TSC22D2: variants seen among roughly 807,000 people sequenced by gnomAD.
TSC22D2 encodes the protein TSC22 domain family member 2, also known as TSC22 domain family protein 2.
TSC22D2 carries 5 observed loss-of-function variants against 50.1 expected under a neutral mutation model. The observed-to-expected ratio is 0.10, with a 90% CI of 0.05 to 0.21. TSC22D2 has a LOEUF of 0.21. Ranked by LOEUF, TSC22D2 falls within the 10% of genes least tolerant of loss-of-function variation. TSC22D2 has a pLI of 1.00. For missense variants in TSC22D2, 1,003 were observed against 1,015.5 expected (o/e 0.99, Z 0.17); for synonymous variants, 501 against 450.1 (o/e 1.11, Z -1.43).
At chr3:150,422,559 C>A (rs1352451395) in intron 1 of TSC22D2, among the ~76,000 whole-genome samples, 1 of 152,060 alleles carries the variant, frequency 6.6e-6, no homozygotes, top group Non-Finnish European at 1.5e-5. Context: ...CAAGTCCAAC[C>A]CAGGAAAGAA....
In TSC22D2 at chr3:150,460,019, GCAT is replaced by G. The variant is rs1375154802; in HGVS notation, c.*1387_*1389del. 1.3e-5 allele frequency: 2 copies of G among 152,060 alleles called. No individual in the cohort carries two copies. The highest frequency in any genetic ancestry group is 1.9e-4 in the East Asian group (1 of 5,194). The allele number at this position is 152,060 out of a possible 1,614,324, so 9.4% of individuals were successfully genotyped here. Reference sequence around the variant, plus strand: ...TTCATAAATACAGTTTCAAAAGAAAGCATCATTTTGTGTATACTAACACATTAA... The same window carrying G: ...TTCATAAATACAGTTTCAAAAGAAAGCATTTTGTGTATACTAACACATTAA... On this transcript the variant is annotated 3_prime_UTR_variant, in exon 3 of 3. Transcript: ENST00000688009.
intron 1 of TSC22D2, 93 bp downstream of exon 1, chr3:150,411,401 C>A: frequency 7.5e-7 from 1 of 1,330,578 alleles, no homozygotes; most frequent in Non-Finnish European, 1.0e-6. Flanking sequence ...TCAACGGAGG[C>A]CCTTAGCATT....
intron 1 of TSC22D2, among the ~76,000 whole-genome samples, chr3:150,432,054 TA>T (rs960587877): frequency 2.0e-5 from 3 of 152,198 alleles, no homozygotes; most frequent in African/African-American, 7.2e-5. Context: ...ACCACAAATC[TA>T]AATCTCATTA....
rs141522210 is a variant in TSC22D2 at position 150,434,343 on chromosome 3, C to T, written c.1959-22733C>T. Reference sequence around the variant, plus strand: ...TTTTCATAAAGACAGGGTTTCAGCACGCTGGCCAGGCTGGTCTCAAACTCC... The same window carrying T: ...TTTTCATAAAGACAGGGTTTCAGCATGCTGGCCAGGCTGGTCTCAAACTCC... On this transcript the variant is annotated intron_variant, in intron 1 of 2. Coordinates refer to ENST00000688009, the MANE Select transcript of TSC22D2 (RefSeq NM_001303264.2). Among the ~76,000 whole-genome samples, 752 of 152,062 alleles carry T rather than the reference C, an allele frequency of 4.9e-3. 7 individuals are homozygous for T. Among genetic ancestry groups the T allele is most frequent in the African/African-American group, 0.017 (706 of 41,482 alleles).
Position 150,409,254 on chromosome 3 carries a change from C to T in TSC22D2, c.-97C>T. 1 of 1,415,140 alleles carries T rather than the reference C, an allele frequency of 7.1e-7. No homozygotes were observed. Among genetic ancestry groups the T allele is most frequent in the Non-Finnish European group, 9.4e-7 (1 of 1,060,120 alleles). The allele number at this position is 1,415,140 out of a possible 1,614,324, so 87.7% of individuals were successfully genotyped here. On this transcript the variant is annotated 5_prime_UTR_variant, in exon 1 of 3. Coordinates refer to ENST00000688009, the MANE Select transcript of TSC22D2 (RefSeq NM_001303264.2). The surrounding 1 kb of genome is among the most constrained non-coding windows in gnomAD (Gnocchi z 7.4). ...CGGGCCTCAGACCCCAGCGCAGACT[C>T]GGACTTTGTCTTTGGGGGCCCGTGC...
At chr3:150,414,700 T>TCA (rs746784570) in intron 1 of TSC22D2, among the ~76,000 whole-genome samples, 3 of 152,062 alleles carry the variant, frequency 2.0e-5, no homozygotes, top group Non-Finnish European at 4.4e-5. Flanking sequence ...GTTTGTACAT[T>TCA]TATATATATT....
At chr3:150,423,189 G>C in intron 1 of TSC22D2, 1 of 1,169,502 alleles carries the variant, frequency 8.6e-7, no homozygotes, top group Non-Finnish European at 1.2e-6. Flanking sequence ...CACTGTACTG[G>C]TTTCTCATTA....
At chr3:150,432,512 A>C (rs1434588736) in intron 1 of TSC22D2, among the ~76,000 whole-genome samples, 1 of 151,646 alleles carries the variant, frequency 6.6e-6, no homozygotes, top group Non-Finnish European at 1.5e-5. Flanking sequence ...GTATGTTTGT[A>C]CATGTGAACT....
At chr3:150,414,150 A>C (rs2108060902) in intron 1 of TSC22D2, among the ~76,000 whole-genome samples, 1 of 152,362 alleles carries the variant, frequency 6.6e-6, no homozygotes, top group Admixed American at 6.5e-5. Context: ...AAAAGTTCTC[A>C]ATTAGCATTG....
intron 1 of TSC22D2, among the ~76,000 whole-genome samples, chr3:150,453,238 A>T (rs1721093608): frequency 6.6e-6 from 1 of 152,214 alleles, no homozygotes; most frequent in South Asian, 2.1e-4. Context: ...TATAATAATT[A>T]AAAAGAAAAC....
chr3:150,445,201 G>GT (rs1246941348), intron 1 of TSC22D2, among the ~76,000 whole-genome samples: 2 of 151,760 alleles, frequency 1.3e-5, no homozygotes, highest in African/African-American at 4.8e-5. Flanking sequence ...GGAATCCTGT[G>GT]TTTAATATGC....
Position 150,410,710 on chromosome 3 carries a change from C to T in TSC22D2, c.1360C>T (p.Pro454Ser). ...AQGGQVAPCQ[P>S]TGVPPATVGG... ...AGGCGGGCAGGTCGCGCCTTGTCAG[C>T]CGACTGGAGTGCCCCCGGCTACTGT... Residue 454 changes from proline (P) to serine (S), a missense_variant, in exon 1 of 3, where the codon CCG becomes TCG. Physicochemically the swap from Pro to Ser is moderately conservative, Grantham distance 74. This residue lies in a region of TSC22D2 where 696 missense variants were observed against 647.8 expected (regional missense o/e 1.07). Transcript: ENST00000688009. 1.3e-6 allele frequency: 2 copies of T among 1,580,618 alleles called. No individual in the cohort carries two copies. The highest frequency in any genetic ancestry group is 1.7e-6 in the Non-Finnish European group (2 of 1,164,500).
intron 1 of TSC22D2, among the ~76,000 whole-genome samples, chr3:150,445,667 T>G (rs1489306645): frequency 6.6e-6 from 1 of 152,214 alleles, no homozygotes; most frequent in Non-Finnish European, 1.5e-5. Flanking sequence ...TGGGTTGTTG[T>G]GTGTACTGTT....
rs1382764317 is a variant in TSC22D2, at chr3:150,462,643, T to TTTC, written c.*4009_*4010insCTT. The stretch of plus-strand genomic sequence containing the variant: ...TATTTTCTTTTTTTCTTTTTTCTTT[T>TTTC]TTTTTTTTTTTGAGACAGAGTCTTG... On this transcript the variant is annotated 3_prime_UTR_variant, in exon 3 of 3. Coordinates refer to ENST00000688009, the MANE Select transcript of TSC22D2 (RefSeq NM_001303264.2). 4 of 147,860 alleles carry TTTC rather than the reference T, an allele frequency of 2.7e-5. No homozygotes were observed. Among genetic ancestry groups the TTTC allele is most frequent in the South Asian group, 2.2e-4 (1 of 4,616 alleles). 9.2% of individuals were successfully genotyped at this position (147,860 alleles called of 1,614,324 possible). A position where few individuals can be genotyped will look rare whatever the true frequency, so the allele number is the denominator to read the frequency against.
rs62922062 is a variant in TSC22D2 at position 150,462,640 on chromosome 3, T to TTTC, written c.*4006_*4007insCTT. On this transcript the variant is annotated 3_prime_UTR_variant, in exon 3 of 3. Transcript: ENST00000688009. ...GCCTATTTTCTTTTTTTCTTTTTTC[T>TTTC]TTTTTTTTTTTTTTGAGACAGAGTC... 5 of 13,486 alleles carry TTTC rather than the reference T, an allele frequency of 3.7e-4. No homozygotes were observed. The highest frequency in any genetic ancestry group is 7.1e-4 in the Non-Finnish European group (4 of 5,608). 0.8% of individuals were successfully genotyped at this position (13,486 alleles called of 1,614,324 possible). A position where few individuals can be genotyped will look rare whatever the true frequency, so the allele number is the denominator to read the frequency against.
In TSC22D2 at chr3:150,410,111, C is replaced by T. The variant is rs747985566; in HGVS notation, c.761C>T (p.Pro254Leu). Residue 254 changes from proline to leucine, a missense_variant, in exon 1 of 3, where the codon CCG becomes CTG. This residue lies in a region of TSC22D2 where 696 missense variants were observed against 647.8 expected (regional missense o/e 1.07). Transcript: ENST00000688009. ...SSLTAVSQLP[P>L]SEKMSQPTPA... ...TTGACTGCTGTGTCACAGCTACCCCCGTCGGAGAAAATGAGCCAGCCCACT... is the reference window on the plus strand; with the variant it reads ...TTGACTGCTGTGTCACAGCTACCCCTGTCGGAGAAAATGAGCCAGCCCACT... 9.1e-5 allele frequency: 146 copies of T among 1,612,532 alleles called. No individual in the cohort carries two copies. Among genetic ancestry groups the T allele is most frequent in the Non-Finnish European group, 1.2e-4 (136 of 1,179,906 alleles).
intron 1 of TSC22D2, among the ~76,000 whole-genome samples, chr3:150,434,039 C>T (rs1279278268): frequency 5.9e-5 from 9 of 152,166 alleles, no homozygotes; most frequent in East Asian, 1.9e-4. Flanking sequence ...TGCACCACTG[C>T]GCTCCAGGGC....
chr3:150,424,317 A>C (rs1720103541), intron 1 of TSC22D2, among the ~76,000 whole-genome samples: 1 of 152,210 alleles, frequency 6.6e-6, no homozygotes, highest in Admixed American at 6.5e-5. Context: ...ATGTAGCCAG[A>C]ATGTGAGTAC....
chr3:150,448,775 C>T (rs1720956627), intron 1 of TSC22D2, among the ~76,000 whole-genome samples: 1 of 151,546 alleles, frequency 6.6e-6, no homozygotes, highest in Non-Finnish European at 1.5e-5. Flanking sequence ...GTAATTTTAT[C>T]AGAATTTTAC....
Sources: allele counts gnomAD v4.1 joint callset (sites outside exome capture counted in the v4.1 genomes callset), GRCh38; gene constraint gnomAD v4.1.1; regional missense constraint gnomAD v4.1.1; non-coding constraint Gnocchi (gnomAD v3.1); transcripts MANE v1.5; gene names NCBI Gene and HGNC (gene_info 2026-07-23, HGNC 2026-07-21).